Variants in AFDN observed in about 807,000 individuals in gnomAD.
AFDN encodes afadin, adherens junction formation factor, also known as afadin.
AFDN carries 68 observed loss-of-function variants against 216.6 expected under a neutral mutation model. The observed-to-expected ratio is 0.31, with a 90% CI of 0.26 to 0.38. The LOEUF (loss-of-function observed/expected upper bound fraction) is 0.38. Ranked by LOEUF, AFDN falls within the 10% of genes least tolerant of loss-of-function variation. AFDN has a pLI of 1.00. For missense variants in AFDN, 2,136 were observed against 2,342.0 expected (o/e 0.91, Z 1.82); for synonymous variants, 868 against 853.7 (o/e 1.02, Z -0.29).
At chr6:167,876,455 C>G (rs113491203) in intron 5 of AFDN, among the ~76,000 whole-genome samples, 13,561 of 152,044 alleles carry the variant, frequency 0.089, 1,188 homozygotes, top group African/African-American at 0.23. Context: ...AACAAGGAGT[C>G]TGAAAGAAAA....
chr6:167,858,011 A>G (rs1783094723), intron 1 of AFDN, among the ~76,000 whole-genome samples: 1 of 152,230 alleles, frequency 6.6e-6, no homozygotes, highest in Admixed American at 6.5e-5. Context: ...TGAGGGTTTA[A>G]AATGTTTTTA....
rs77581183 is a variant in AFDN at position 167,915,259 on chromosome 6, C to T, written c.2391C>T (p.Leu797=). ...TGACCATCCAGCTCTTCTCTCAGCT[C>T]TTCCACTTCATCAATATGTGGCTGT... ...AALTIQLFSQ[L]FHFINMWLFN... Residue 797 remains leucine, a synonymous_variant, in exon 19 of 34, where the codon CTC becomes CTT. Transcript: ENST00000683244. 223 of 1,614,256 alleles carry T rather than the reference C, an allele frequency of 1.4e-4. No homozygotes were observed. In the East Asian group the frequency reaches 4.9e-3, roughly 35 times the overall value.
intron 5 of AFDN, among the ~76,000 whole-genome samples, chr6:167,878,137 G>C (rs1185083044): frequency 6.6e-6 from 1 of 151,770 alleles, no homozygotes; most frequent in Non-Finnish European, 1.5e-5. Context: ...CTTCCTCTTG[G>C]GTTTTTTAGC....
rs1209247662 is a variant in AFDN, at chr6:167,864,735, A to G, written c.290A>G (p.His97Arg). The stretch of plus-strand genomic sequence containing the variant: ...CCCAAGTATTCACTCTATGAAGTGC[A>G]TGTCAGCGGAGGTCAGTGTATACAG... ...SSPKYSLYEV[H>R]VSGERRLDID... Residue 97 changes from histidine to arginine, a missense_variant, in exon 2 of 34, where the codon CAT (histidine) becomes CGT (arginine). His to Arg is a conservative substitution (Grantham distance 29). Coordinates refer to ENST00000683244, the MANE Select transcript of AFDN (RefSeq NM_001386888.1). 6.2e-7 allele frequency: 1 copy of G among 1,614,106 alleles called. No homozygotes were observed.
At chr6:167,953,951 T>A (rs1344603350) in intron 30 of AFDN, among the ~76,000 whole-genome samples, 1 of 152,238 alleles carries the variant, frequency 6.6e-6, no homozygotes, top group African/African-American at 2.4e-5. Context: ...TTTCTTATTG[T>A]TATAACTGTA....
intron 12 of AFDN, 29 bp from the exon 13 acceptor site, chr6:167,907,142 T>C (rs2128434424): frequency 6.3e-7 from 1 of 1,585,192 alleles, no homozygotes; most frequent in East Asian, 2.2e-5. Context: ...TGTGAGGTTC[T>C]AAACCCGTTG....
intron 1 of AFDN, among the ~76,000 whole-genome samples, chr6:167,850,978 TCTGCCTCCTGCATTCAGGCGATTCTC>T (rs1782238081): frequency 2.0e-5 from 3 of 152,134 alleles, no homozygotes; most frequent in Non-Finnish European, 2.9e-5. Context: ...AAGCGATTCT[TCTGCCTCCTGCATTCAGGCGATTCTC>T]CTGCCTCCTG....
At chr6:167,911,687 T>A in intron 15 of AFDN, 198 bp downstream of exon 15, 1 of 578,000 alleles carries the variant, frequency 1.7e-6, no homozygotes, top group South Asian at 2.2e-5. Flanking sequence ...TTGTTTTCCC[T>A]GTAAAACTTC....
chr6:167,955,263 G>A (rs991038461), intron 30 of AFDN, among the ~76,000 whole-genome samples: 58 of 150,738 alleles, frequency 3.8e-4, no homozygotes, highest in African/African-American at 1.3e-3. Context: ...TTTGACTTTA[G>A]TGGCCTTTTC....
At chr6:167,964,887 T>C in intron 31 of AFDN, 3 of 1,064,294 alleles carry the variant, frequency 2.8e-6, no homozygotes, top group Non-Finnish European at 3.4e-6. Context: ...TCTAAAACTT[T>C]TGTCAATCTT....
intron 27 of AFDN, among the ~76,000 whole-genome samples, chr6:167,947,434 CTCCCAAAG>C (rs1795441144): frequency 1.3e-5 from 2 of 152,266 alleles, no homozygotes; most frequent in South Asian, 4.1e-4. Context: ...CCGCCTTGGC[CTCCCAAAG>C]TGCTGGGATT....
chr6:167,860,234 AT>A (rs1393835881), intron 1 of AFDN, among the ~76,000 whole-genome samples: 6 of 139,250 alleles, frequency 4.3e-5, no homozygotes, highest in Admixed American at 8.0e-5. Flanking sequence ...GCTGCAACAT[AT>A]TAGACTATTA....
In AFDN at chr6:167,889,337, T is replaced by TA. The variant is rs781605029; in HGVS notation, c.1009+12dup. 1.3e-6 allele frequency: 2 copies of TA among 1,560,532 alleles called. No individual in the cohort carries two copies. Among genetic ancestry groups the TA allele is most frequent in the East Asian group, 4.5e-5 (2 of 44,606 alleles). ...GGCCAAGTGACAAAGGTAGTAACCT[T>TA]ATTAAAGGATTACTTACACCAGATT... On this transcript the variant is annotated intron_variant, in intron 7 of 33. Coordinates refer to ENST00000683244, the MANE Select transcript of AFDN (RefSeq NM_001386888.1).
At chr6:167,883,836 C>T (rs1786450373) in intron 6 of AFDN, among the ~76,000 whole-genome samples, 1 of 152,020 alleles carries the variant, frequency 6.6e-6, no homozygotes, top group African/African-American at 2.4e-5. Flanking sequence ...TGGCAACTCC[C>T]TAAAATACAA....
chr6:167,899,736 A>G (rs752790132), intron 11 of AFDN, among the ~76,000 whole-genome samples: 9 of 152,198 alleles, frequency 5.9e-5, no homozygotes, highest in Non-Finnish European at 1.2e-4. Flanking sequence ...TGTCTGAAAC[A>G]GTTTCTTCCG....
chr6:167,914,695 T>A lies in AFDN; in HGVS notation c.2256T>A (p.Phe752Leu), dbSNP rs758614175. The change falls in exon 18 of 34, where the codon TTT becomes TTA. Residue 752 changes from phenylalanine to leucine, a missense_variant. Physicochemically the swap from Phe to Leu is conservative, Grantham distance 22. Around this residue, in one of 8 missense-constraint regions of AFDN, gnomAD observed 817 missense variants for 965.7 expected, o/e 0.85. Transcript: ENST00000683244. ...AACTTAATAATTACATGCCAGCCTT[T>A]CTAGATGACCCTGAAGAGAACAGTC... ...QSELNNYMPA[F>L]LDDPEENSLQ... is the part of the protein sequence containing the mutation. 1 of 1,613,774 alleles carries A rather than the reference T, an allele frequency of 6.2e-7. No homozygotes were observed. The highest frequency in any genetic ancestry group is 1.1e-5 in the South Asian group (1 of 91,076).
intron 25 of AFDN, among the ~76,000 whole-genome samples, chr6:167,943,691 CT>C (rs1794955698): frequency 6.6e-6 from 1 of 152,136 alleles, no homozygotes; most frequent in Admixed American, 6.5e-5. Context: ...ATACTCAACA[CT>C]TCTTTAAATT....
intron 13 of AFDN, among the ~76,000 whole-genome samples, chr6:167,909,962 C>T (rs1022789981): frequency 9.2e-5 from 14 of 152,060 alleles, no homozygotes; most frequent in African/African-American, 2.7e-4. Flanking sequence ...CTATGTGTTT[C>T]GCTGGTTTTT....
intron 22 of AFDN, 163 bp downstream of exon 22, chr6:167,923,122 A>T: frequency 1.8e-6 from 1 of 549,486 alleles, no homozygotes; most frequent in Non-Finnish European, 3.2e-6. Context: ...ATTCATATAT[A>T]TGTATTTTTT....
Sources: gnomAD v4.1 joint callset for allele counts (sites outside exome capture counted in the v4.1 genomes callset) on GRCh38, gnomAD v4.1.1 for gene constraint, gnomAD v4.1.1 regional missense constraint, MANE v1.5 for transcripts, NCBI Gene and HGNC (gene_info 2026-07-23, HGNC 2026-07-21) for gene names.